Variants in SYNE1 observed in about 807,000 individuals in gnomAD.
SYNE1 encodes the protein spectrin repeat containing nuclear envelope protein 1, also known as nesprin-1.
In SYNE1, 616 loss-of-function variants were observed where a neutral mutation model predicts 1,111.0. The ratio of observed to expected loss-of-function variants is 0.55; its 90% CI spans 0.52 to 0.59. SYNE1 has a LOEUF of 0.59. Ranked by LOEUF, SYNE1 falls within the 20% of genes least tolerant of loss-of-function variation. The probability of loss-of-function intolerance (pLI) is 0.00; values close to 1 mark genes in which losing one functional copy is unlikely to be tolerated. For synonymous variants in SYNE1, 3,855 were observed against 3,825.8 expected (o/e 1.01, Z -0.28); for missense variants, 10,006 against 10,417.0 (o/e 0.96, Z 1.72).
intron 2 of SYNE1, among the ~76,000 whole-genome samples, chr6:152,634,613 T>C (rs1292632233): frequency 1.3e-5 from 2 of 152,232 alleles, no homozygotes; most frequent in African/African-American, 4.8e-5. Flanking sequence ...CTGTTTCTTA[T>C]TCACTAGTAT....
chr6:152,378,317 T>C (rs2097332975), intron 56 of SYNE1, among the ~76,000 whole-genome samples: 1 of 152,184 alleles, frequency 6.6e-6, no homozygotes, highest in Non-Finnish European at 1.5e-5. Context: ...CCCAGATTTG[T>C]AAAGAAACCA....
At chr6:152,549,904 G>T (rs555151579) in intron 3 of SYNE1, among the ~76,000 whole-genome samples, 1 of 152,148 alleles carries the variant, frequency 6.6e-6, no homozygotes, top group Non-Finnish European at 1.5e-5. Flanking sequence ...TTTGCAAAAT[G>T]TAGTATCATT....
intron 47 of SYNE1, 94 bp downstream of exon 47, chr6:152,401,044 G>T: frequency 1.6e-6 from 2 of 1,281,430 alleles, no homozygotes; most frequent in South Asian, 1.2e-5. Context: ...ATGGGTAACT[G>T]AGAGCAGAGG....
intron 3 of SYNE1, among the ~76,000 whole-genome samples, chr6:152,549,277 G>C (rs1169910634): frequency 2.0e-5 from 3 of 152,154 alleles, no homozygotes; most frequent in Non-Finnish European, 4.4e-5. Context: ...CCCCTGCCTG[G>C]TATATTGTCT....
At position 152,455,416 on chromosome 6, in the gene SYNE1, G is replaced by A; in HGVS notation, c.2892+10C>T. ...ATTCAGGTCAAGTGTCCCCTAAAGG[G>A]TGGACTCACAGTGTGTCTCCGCAGG... On this transcript the variant is annotated intron_variant, in intron 24 of 145. Transcript: ENST00000367255. 1 of 1,612,916 alleles carries A rather than the reference G, an allele frequency of 6.2e-7. No homozygotes were observed. The highest frequency in any genetic ancestry group is 8.5e-7 in the Non-Finnish European group (1 of 1,179,358).
At chr6:152,306,345 G>T (rs901069262) in intron 91 of SYNE1, among the ~76,000 whole-genome samples, 2 of 151,916 alleles carry the variant, frequency 1.3e-5, no homozygotes, top group Non-Finnish European at 2.9e-5. Context: ...AATTATCAGG[G>T]CATGGTGATG....
In SYNE1 at chr6:152,395,773, C is replaced by A. The variant is rs576696907; in HGVS notation, c.7557-102G>T. 6.9e-5 allele frequency: 85 copies of A among 1,233,932 alleles called. 2 individuals carry two copies. The South Asian group carries it at 1.0e-3, about 15-fold the overall frequency. The allele number at this position is 1,233,932 out of a possible 1,614,324, so 76.4% of individuals were successfully genotyped here. ...ATGTCTTTTAAATGGCAATTAAGAC[C>A]TCATGAATGTTCAAGTGACAAAAAC... On this transcript the variant is annotated intron_variant, in intron 50 of 145. Transcript: ENST00000367255.
chr6:152,386,678 A>G (rs953578201), intron 54 of SYNE1, among the ~76,000 whole-genome samples: 3 of 152,144 alleles, frequency 2.0e-5, no homozygotes, highest in African/African-American at 7.2e-5. Context: ...TGAACACAAT[A>G]TTTCGTACAC....
chr6:152,148,156 A>G lies in SYNE1; in HGVS notation c.24865T>C (p.Tyr8289His), dbSNP rs1016679896. The G allele has an allele frequency of 2.5e-6, 4 of 1,614,092 alleles. No individual in the cohort carries two copies. The highest frequency in any genetic ancestry group is 1.3e-5 in the African/African-American group (1 of 74,934). The change falls in exon 137 of 146, where the codon TAT becomes CAT. Residue 8289 changes from tyrosine to histidine, a missense_variant. Coordinates refer to ENST00000367255, the MANE Select transcript of SYNE1 (RefSeq NM_182961.4). The surrounding 1 kb of genome is among the most constrained non-coding windows in gnomAD (Gnocchi z 4.1). ...DSIPLEWDHDYDLSRDLESAM... is the reference protein window; with the variant it reads ...DSIPLEWDHDHDLSRDLESAM... ...GACTCCAGGTCCCGACTGAGGTCAT[A>G]GTCGTGATCCCACTCCAGGGGGATG...
At chr6:152,597,214 A>T (rs929347598) in intron 3 of SYNE1, among the ~76,000 whole-genome samples, 1 of 152,222 alleles carries the variant, frequency 6.6e-6, no homozygotes. Context: ...TTATTTTTAA[A>T]CATTAAATAG....
At chr6:152,163,542 T>A (rs1586620075) in intron 131 of SYNE1, among the ~76,000 whole-genome samples, 1 of 148,188 alleles carries the variant, frequency 6.7e-6, no homozygotes, top group Admixed American at 6.7e-5. Context: ...AGGGAGGGAA[T>A]GGGAGGTGAA....
At chr6:152,452,421 C>CT (rs35260176) in intron 25 of SYNE1, among the ~76,000 whole-genome samples, 1 of 151,888 alleles carries the variant, frequency 6.6e-6, no homozygotes, top group East Asian at 1.9e-4. Flanking sequence ...TTTAAGAATC[C>CT]TTTTTTTAAT....
At chr6:152,389,474 C>G (rs2097575089) in intron 53 of SYNE1, among the ~76,000 whole-genome samples, 1 of 152,150 alleles carries the variant, frequency 6.6e-6, no homozygotes, top group African/African-American at 2.4e-5. Context: ...AATGATCTAA[C>G]AGGATATATA....
At chr6:152,390,099 G>A (rs1490387952) in intron 53 of SYNE1, among the ~76,000 whole-genome samples, 181 bp downstream of exon 53, 1 of 152,102 alleles carries the variant, frequency 6.6e-6, no homozygotes, top group Non-Finnish European at 1.5e-5. Context: ...CAGAAACAAA[G>A]CAATAACAAG....
chr6:152,447,655 T>G (rs1421828640), intron 28 of SYNE1, 33 bp from the exon 29 acceptor site: 5 of 1,613,694 alleles, frequency 3.1e-6, no homozygotes, highest in Admixed American at 3.3e-5. Context: ...ATGAACACAG[T>G]GCAATTGTGA....
intron 3 of SYNE1, among the ~76,000 whole-genome samples, chr6:152,606,966 T>C (rs1458784341): frequency 2.1e-5 from 3 of 140,650 alleles, no homozygotes; most frequent in East Asian, 2.1e-4. Context: ...AGGAAAGGCA[T>C]GCCTCGGTTC....
chr6:152,158,569 C>A (rs889853374), intron 131 of SYNE1, among the ~76,000 whole-genome samples: 12 of 152,126 alleles, frequency 7.9e-5, no homozygotes, highest in Non-Finnish European at 1.5e-4. Flanking sequence ...ACAGTCCTTT[C>A]AAATCTCTGA....
rs577862573 is a variant in SYNE1 at position 152,381,121 on chromosome 6, A to G, written c.8894T>C (p.Leu2965Pro). 1 of 1,614,162 alleles carries G rather than the reference A, an allele frequency of 6.2e-7. No homozygotes were observed. The highest frequency in any genetic ancestry group is 2.2e-5 in the East Asian group (1 of 44,878). ...EQEFSGQVAQ[L>P]EQALEQFSAL... ...ACTGAACTGTTCCAGGGCCTGCTCC[A>G]GTTGAGCCACTTGGCCTGAGAATTC... The change falls in exon 56 of 146, where the codon CTG becomes CCG. Residue 2965 changes from leucine to proline, a missense_variant. Transcript: ENST00000367255.
At chr6:152,618,585 C>T (rs964920321) in intron 3 of SYNE1, among the ~76,000 whole-genome samples, 4 of 152,020 alleles carry the variant, frequency 2.6e-5, no homozygotes, top group Admixed American at 1.3e-4. Flanking sequence ...TGGGTGGAGA[C>T]CACTGTTTAC....
Sources: gnomAD v4.1 joint callset for allele counts (sites outside exome capture counted in the v4.1 genomes callset) on GRCh38, gnomAD v4.1.1 for gene constraint, Gnocchi (gnomAD v3.1) non-coding constraint, MANE v1.5 for transcripts, NCBI Gene and HGNC (gene_info 2026-07-23, HGNC 2026-07-21) for gene names.